Variants in MIS18A observed in about 807,000 individuals in gnomAD.
The protein encoded by MIS18A is protein Mis18-alpha.
In MIS18A, 14 loss-of-function variants were observed where a neutral mutation model predicts 25.0. The ratio of observed to expected loss-of-function variants is 0.56; its 90% CI spans 0.37 to 0.88. The LOEUF is 0.88. Ranked by LOEUF, MIS18A falls within the 40% of genes least tolerant of loss-of-function variation. The pLI, the probability that MIS18A is intolerant of heterozygous loss-of-function variation, is 0.00. For missense variants in MIS18A, 292 were observed against 290.8 expected (o/e 1.00, Z -0.03); for synonymous variants, 134 against 118.6 (o/e 1.13, Z -0.84).
the MIS18A span, among the ~76,000 whole-genome samples, chr21:32,162,798 C>T: frequency 2.0e-5 from 3 of 152,098 alleles, no homozygotes; most frequent in Non-Finnish European, 2.9e-5. Flanking sequence ...GTACAGCTCC[C>T]GAAAGTGAAC....
At chr21:32,275,329 T>C (rs1266259963) in intron 1 of MIS18A, among the ~76,000 whole-genome samples, 1 of 152,242 alleles carries the variant, frequency 6.6e-6, no homozygotes, top group Non-Finnish European at 1.5e-5. Flanking sequence ...CATTCCACAG[T>C]AAACTTGGAA....
the MIS18A span, among the ~76,000 whole-genome samples, chr21:32,201,239 CT>C: frequency 6.6e-6 from 1 of 152,020 alleles, no homozygotes; most frequent in Non-Finnish European, 1.5e-5. Flanking sequence ...GGATCCGCCC[CT>C]ATGACCAAAA....
chr21:32,270,801 C>T (rs1462171203), intron 2 of MIS18A, among the ~76,000 whole-genome samples: 1 of 152,156 alleles, frequency 6.6e-6, no homozygotes, highest in African/African-American at 2.4e-5. Flanking sequence ...ATATAAATTC[C>T]TCCATCTGGT....
the MIS18A span, among the ~76,000 whole-genome samples, chr21:32,243,656 G>GT: frequency 6.6e-6 from 1 of 152,088 alleles, no homozygotes; most frequent in South Asian, 2.1e-4. Flanking sequence ...ACTCACAGGG[G>GT]TTTACCCAAG....
the MIS18A span, among the ~76,000 whole-genome samples, chr21:32,204,452 C>A: frequency 6.7e-6 from 1 of 148,434 alleles, no homozygotes; most frequent in Non-Finnish European, 1.5e-5. Context: ...AGCCAAGATC[C>A]CGCCACCGCA....
downstream of MIS18A, among the ~76,000 whole-genome samples, chr21:32,267,065 C>T (rs748359528): frequency 2.0e-5 from 3 of 152,168 alleles, no homozygotes; most frequent in South Asian, 2.1e-4. Flanking sequence ...CGGCCCAGGA[C>T]AGGGTGGCCC....
At chr21:32,248,837 C>T in the MIS18A span, among the ~76,000 whole-genome samples, 1 of 152,200 alleles carries the variant, frequency 6.6e-6, no homozygotes, top group African/African-American at 2.4e-5. Flanking sequence ...CTTCCCTCCC[C>T]CTTTTGTCTT....
chr21:32,222,789 G>T, the MIS18A span, among the ~76,000 whole-genome samples: 5 of 152,074 alleles, frequency 3.3e-5, no homozygotes, highest in African/African-American at 1.2e-4. Flanking sequence ...AAATTAGCCA[G>T]GTGTGGTGGT....
Position 32,278,814 on chromosome 21 carries a change from C to T in MIS18A, c.201G>A (p.Ala67=), listed in dbSNP as rs530133556. The T allele has an allele frequency of 6.3e-7, 1 of 1,596,822 alleles. No homozygotes were observed. The highest frequency in any genetic ancestry group is 1.3e-5 in the African/African-American group (1 of 74,826). ...EDASVADMER[A]QLEEEAAAAE... ...CAGCCGCCGCCTCCTCCTCCAGCTG[C>T]GCCCTCTCCATGTCGGCCACCGACG... The change falls in exon 1 of 5, where the codon GCG becomes GCA. Residue 67 remains alanine (A), a synonymous_variant. Transcript: ENST00000290130.
the MIS18A span, among the ~76,000 whole-genome samples, chr21:32,211,260 C>T: frequency 4.6e-5 from 7 of 152,250 alleles, no homozygotes; most frequent in African/African-American, 1.4e-4. Flanking sequence ...AGGCTGGTCT[C>T]GAACTCCTGA....
At chr21:32,271,252 T>C (rs973948598) in intron 2 of MIS18A, among the ~76,000 whole-genome samples, 5 of 152,176 alleles carry the variant, frequency 3.3e-5, no homozygotes, top group African/African-American at 9.6e-5. Context: ...TTCCAACACA[T>C]AGCAAAATGA....
the MIS18A span, among the ~76,000 whole-genome samples, chr21:32,216,935 A>G: frequency 6.6e-6 from 1 of 152,260 alleles, no homozygotes; most frequent in African/African-American, 2.4e-5. Flanking sequence ...CAGACTTTAC[A>G]TAATTAGTTC....
chr21:32,268,958 A>T lies in MIS18A; in HGVS notation c.*79T>A. ...TTTTTTTCTTTTTTTTTTTGTAGAGACGACGTCTCACTATGTTGCTTCATT... is the reference window on the plus strand; with the variant it reads ...TTTTTTTCTTTTTTTTTTTGTAGAGTCGACGTCTCACTATGTTGCTTCATT... On this transcript the variant is annotated 3_prime_UTR_variant, in exon 5 of 5. Coordinates refer to ENST00000290130, the MANE Select transcript of MIS18A (RefSeq NM_018944.3). The T allele has an allele frequency of 1.0e-6, 1 of 957,778 alleles. No homozygotes were observed. The highest frequency in any genetic ancestry group is 1.5e-6 in the Non-Finnish European group (1 of 648,180). 59.3% of individuals were successfully genotyped at this position (957,778 alleles called of 1,614,324 possible). A position where few individuals can be genotyped will look rare whatever the true frequency, so the allele number is the denominator to read the frequency against.
At chr21:32,243,895 A>T in the MIS18A span, among the ~76,000 whole-genome samples, 1 of 152,130 alleles carries the variant, frequency 6.6e-6, no homozygotes, top group African/African-American at 2.4e-5. Context: ...AATGAACTGC[A>T]GTGAGCCGAG....
the MIS18A span, among the ~76,000 whole-genome samples, chr21:32,228,047 T>G: frequency 6.6e-6 from 1 of 152,174 alleles, no homozygotes; most frequent in Non-Finnish European, 1.5e-5. Flanking sequence ...CTCAACCTCA[T>G]AAAGGGCATC....
At chr21:32,195,219 T>A in the MIS18A span, among the ~76,000 whole-genome samples, 16 of 152,378 alleles carry the variant, frequency 1.1e-4, 1 homozygote, top group South Asian at 3.3e-3. Flanking sequence ...TATTTTGAGA[T>A]GCCTGTCTTA....
At chr21:32,237,421 C>G in the MIS18A span, among the ~76,000 whole-genome samples, 1 of 152,184 alleles carries the variant, frequency 6.6e-6, no homozygotes, top group Non-Finnish European at 1.5e-5. Flanking sequence ...AGTCCATGTC[C>G]AAAAAGTACA....
At chr21:32,247,949 C>T in the MIS18A span, among the ~76,000 whole-genome samples, 1 of 152,204 alleles carries the variant, frequency 6.6e-6, no homozygotes, top group East Asian at 1.9e-4. Context: ...TGGCCAGAGC[C>T]AACTGAACCA....
rs1264281068 is a variant in MIS18A, at chr21:32,278,787, C to T, written c.228G>A (p.Ala76=). The T allele has an allele frequency of 6.3e-7, 1 of 1,581,962 alleles. No homozygotes were observed. Among genetic ancestry groups the T allele is most frequent in the Non-Finnish European group, 8.6e-7 (1 of 1,168,402 alleles). The part of the protein sequence containing the change: ...RAQLEEEAAA[A]EERPLVFLCS... ...ACAGGAACACCAGCGGCCTCTCCTC[C>T]GCAGCCGCCGCCTCCTCCTCCAGCT... The change falls in exon 1 of 5, where the codon GCG becomes GCA. Residue 76 remains alanine, a synonymous_variant. Transcript: ENST00000290130.
Sources: gnomAD v4.1 joint callset for allele counts (sites outside exome capture counted in the v4.1 genomes callset) on GRCh38, gnomAD v4.1.1 for gene constraint, MANE v1.5 for transcripts, NCBI Gene and HGNC (gene_info 2026-07-23, HGNC 2026-07-21) for gene names.